Variants in KIAA0319 observed in about 807,000 individuals in gnomAD.
The protein encoded by KIAA0319 is dyslexia-associated protein KIAA0319.
Under a neutral mutation model 108.4 loss-of-function variants are expected in KIAA0319, and 83 were observed. The ratio of observed to expected loss-of-function variants is 0.77; its 90% CI spans 0.64 to 0.92. KIAA0319 has a LOEUF of 0.92. Among genes scored for constraint, KIAA0319 ranks in the 40% least tolerant of loss-of-function variants. The pLI is 0.00. For missense variants in KIAA0319, 1,195 were observed against 1,322.4 expected, an observed-to-expected ratio of 0.90 and a Z score of 1.49; for synonymous variants, 484 against 510.4, an observed-to-expected ratio of 0.95 and a Z score of 0.70.
chr6:24,586,461 G>A (rs1216230455), intron 4 of KIAA0319, among the ~76,000 whole-genome samples: 1 of 152,150 alleles, frequency 6.6e-6, no homozygotes, highest in Admixed American at 6.5e-5. Flanking sequence ...AGGAAGAGAA[G>A]GGTGACTACA....
chr6:24,541,664 G>C (rs184592103), downstream of KIAA0319, among the ~76,000 whole-genome samples: 28 of 152,036 alleles, frequency 1.8e-4, no homozygotes, highest in African/African-American at 5.8e-4. Flanking sequence ...CCGTCATGGT[G>C]GTGGGCGCCT....
At position 24,640,084 on chromosome 6, in the gene KIAA0319, T is replaced by A. The variant is rs188076678; in HGVS notation, c.-106+5652A>T. ...GAGGAGAAAGGCTGCAATTTTTTTT[T>A]ATTGATACATAATAGTTGTATATAT... On this transcript the variant is annotated intron_variant, in intron 1 of 20. Transcript: ENST00000378214. 3.9e-5 allele frequency among the ~76,000 whole-genome samples: 6 copies of A among 152,334 alleles called. No homozygotes were observed. In the East Asian group the frequency reaches 1.2e-3, roughly 29 times the overall value.
intron 1 of KIAA0319, among the ~76,000 whole-genome samples, chr6:24,630,307 G>A (rs1198770513): frequency 6.6e-6 from 1 of 151,740 alleles, no homozygotes; most frequent in Non-Finnish European, 1.5e-5. Flanking sequence ...TCAGGAGTTC[G>A]AGGCCAGTCT....
chr6:24,576,890 G>A (rs1403026606), intron 9 of KIAA0319, among the ~76,000 whole-genome samples: 3 of 151,768 alleles, frequency 2.0e-5, no homozygotes, highest in Non-Finnish European at 2.9e-5. Context: ...GCTCCACTGC[G>A]CTGCAGCTCA....
chr6:24,541,706 G>A (rs1760199445), downstream of KIAA0319, among the ~76,000 whole-genome samples: 1 of 152,174 alleles, frequency 6.6e-6, no homozygotes, highest in South Asian at 2.1e-4. Context: ...GCTGAGGCAG[G>A]AGAATCGCTT....
chr6:24,599,652 C>A lies in KIAA0319; in HGVS notation c.55+1397G>T. On this transcript the variant is annotated intron_variant, in intron 2 of 20. Coordinates refer to ENST00000378214, the MANE Select transcript of KIAA0319 (RefSeq NM_014809.4). The surrounding 1 kb of genome is among the most constrained non-coding windows in gnomAD (Gnocchi z 4.1). ...AGCCTATGGGGGCCTCAGCTACAGC[C>A]TGGGCTCCAGCTTTGGCTCTGGCGG... The A allele has an allele frequency of 1.6e-6, 1 of 623,314 alleles. No homozygotes were observed. The allele number at this position is 623,314 out of a possible 1,614,324, so 38.6% of individuals were successfully genotyped here. A position where few individuals can be genotyped will look rare whatever the true frequency, so the allele number is the denominator to read the frequency against.
rs770648439 is a variant in KIAA0319 at position 24,642,999 on chromosome 6, C to T, written c.-106+2737G>A. ...CTGGGATTATAGGCATGAGCCACCG[C>T]GTTCCCAGCCTCCTTTGCTTTTTTG... On this transcript the variant is annotated intron_variant, in intron 1 of 20. Coordinates refer to ENST00000378214, the MANE Select transcript of KIAA0319 (RefSeq NM_014809.4). 6.6e-5 allele frequency among the ~76,000 whole-genome samples: 10 copies of T among 152,324 alleles called. No homozygotes were observed. In the South Asian group the frequency reaches 8.3e-4, roughly 13 times the overall value.
chr6:24,630,710 T>TATATATACACAC (rs373537245), intron 1 of KIAA0319, among the ~76,000 whole-genome samples: 8 of 138,688 alleles, frequency 5.8e-5, no homozygotes, highest in African/African-American at 2.4e-4. Flanking sequence ...TATACACATA[T>TATATATACACAC]ACACACAAAC....
chr6:24,541,372 T>C (rs991844326), downstream of KIAA0319, among the ~76,000 whole-genome samples: 3 of 152,240 alleles, frequency 2.0e-5, no homozygotes, highest in African/African-American at 7.2e-5. Flanking sequence ...TCGATTGGAT[T>C]AGGACCCATC....
At chr6:24,556,562 G>A in intron 18 of KIAA0319, 45 bp downstream of exon 18, 2 of 1,599,954 alleles carry the variant, frequency 1.3e-6, no homozygotes, top group East Asian at 2.2e-5. Context: ...AGAATGAGCT[G>A]CCTTAAGGCT....
chr6:24,588,771 G>A lies in KIAA0319; in HGVS notation c.816C>T (p.Ser272=). The A allele has an allele frequency of 6.2e-7, 1 of 1,613,646 alleles. No homozygotes were observed. The highest frequency in any genetic ancestry group is 8.5e-7 in the Non-Finnish European group (1 of 1,179,874). The change falls in exon 4 of 21, where the codon TCC becomes TCT. Residue 272 remains serine, a synonymous_variant. Coordinates refer to ENST00000378214, the MANE Select transcript of KIAA0319 (RefSeq NM_014809.4). Reference sequence around the variant, plus strand: ...CCAGGCTTGCCGGAGGAAGACTATGGGAAGGCATTAGAACCTACGAGATCA... The same window carrying A: ...CCAGGCTTGCCGGAGGAAGACTATGAGAAGGCATTAGAACCTACGAGATCA... The part of the protein sequence containing the change: ...NSSGKEVLMP[S]HSLPPASLEL...
At chr6:24,639,808 T>C (rs1776685171) in intron 1 of KIAA0319, among the ~76,000 whole-genome samples, 1 of 149,990 alleles carries the variant, frequency 6.7e-6, no homozygotes, top group Admixed American at 6.7e-5. Flanking sequence ...GACCACACCA[T>C]TTCACTCCAG....
intron 3 of KIAA0319, among the ~76,000 whole-genome samples, chr6:24,590,180 T>A (rs1768244574): frequency 6.6e-6 from 1 of 152,126 alleles, no homozygotes; most frequent in African/African-American, 2.4e-5. Context: ...GGCATACATT[T>A]TGTGCTTGGA....
At chr6:24,598,990 G>A (rs1283084606) in intron 2 of KIAA0319, 9 of 674,146 alleles carry the variant, frequency 1.3e-5, no homozygotes, top group East Asian at 5.5e-5. Flanking sequence ...GAGGAGTCTC[G>A]CCTGGAAGGG....
intron 15 of KIAA0319, 30 bp from the exon 16 acceptor site, chr6:24,563,548 C>T: frequency 1.9e-6 from 3 of 1,583,162 alleles, no homozygotes; most frequent in Non-Finnish European, 2.6e-6. Flanking sequence ...AGGATTTGCA[C>T]TTGGACATTT....
chr6:24,572,463 G>A, intron 11 of KIAA0319, 112 bp downstream of exon 11: 2 of 1,219,436 alleles, frequency 1.6e-6, no homozygotes, highest in Admixed American at 5.0e-5. Context: ...TTTATATGGA[G>A]CTTTGGCACC....
intron 19 of KIAA0319, among the ~76,000 whole-genome samples, chr6:24,551,898 C>T (rs1048634210): frequency 6.6e-6 from 1 of 152,138 alleles, no homozygotes; most frequent in African/African-American, 2.4e-5. Flanking sequence ...TATCACCCTG[C>T]TATGTCCAAT....
intron 1 of KIAA0319, among the ~76,000 whole-genome samples, chr6:24,607,356 C>CA (rs1367103838): frequency 4.0e-5 from 1 of 25,214 alleles, no homozygotes; most frequent in Non-Finnish European, 8.8e-5. Context: ...GACTCCATCT[C>CA]AAAAAAAGAA....
At chr6:24,582,208 T>C in intron 6 of KIAA0319, 41 bp downstream of exon 6, 2 of 1,116,694 alleles carry the variant, frequency 1.8e-6, no homozygotes, top group Middle Eastern at 2.0e-4. Flanking sequence ...TCTATGCCGT[T>C]ACGCTGTGCT....
Sources: allele counts gnomAD v4.1 joint callset (sites outside exome capture counted in the v4.1 genomes callset), GRCh38; gene constraint gnomAD v4.1.1; non-coding constraint Gnocchi (gnomAD v3.1); transcripts MANE v1.5; gene names NCBI Gene and HGNC (gene_info 2026-07-23, HGNC 2026-07-21).